AFF2: variants seen among roughly 807,000 people sequenced by gnomAD.
The protein encoded by AFF2 is AF4/FMR2 family member 2.
A neutral mutation model predicts 76.9 loss-of-function variants in AFF2; 14 were observed. The ratio of observed to expected loss-of-function variants is 0.18; its 90% CI spans 0.12 to 0.28. The LOEUF (loss-of-function observed/expected upper bound fraction) is 0.28. Ranked by LOEUF, AFF2 falls within the 10% of genes least tolerant of loss-of-function variation. The pLI, the probability that AFF2 is intolerant of heterozygous loss-of-function variation, is 1.00. For synonymous variants in AFF2, 398 were observed against 366.7 expected (o/e 1.09, Z -0.98); for missense variants, 868 against 1,001.1 (o/e 0.87, Z 1.79).
At chrX:148,957,863 A>C (rs781883604) in intron 11 of AFF2, among the ~76,000 whole-genome samples, 3 of 112,324 alleles carry the variant, frequency 2.7e-5, no homozygotes, top group African/African-American at 9.7e-5. Flanking sequence ...AAAAGTCCAA[A>C]GGTGTGCTTT....
At chrX:148,525,815 A>T (rs1485960433) in intron 1 of AFF2, among the ~76,000 whole-genome samples, 1 of 111,965 alleles carries the variant, frequency 8.9e-6, no homozygotes, top group Non-Finnish European at 1.9e-5. Context: ...GATTTCATGT[A>T]TATATAATGT....
chrX:148,648,143 A>G lies in AFF2; in HGVS notation c.48-3856A>G, dbSNP rs1302539431. 2.7e-5 allele frequency among the ~76,000 whole-genome samples: 3 copies of G among 112,099 alleles called. No homozygotes were observed. The Admixed American group carries it at 2.8e-4, about 11-fold the overall frequency. On this transcript the variant is annotated intron_variant, in intron 1 of 20. Transcript: ENST00000370460. Reference sequence around the variant, plus strand: ...ATCTTCCTTTGCCACTAGCTTGATGACGGCTTGAGACAGCTCCCTCTGTTC... The same window carrying G: ...ATCTTCCTTTGCCACTAGCTTGATGGCGGCTTGAGACAGCTCCCTCTGTTC...
intron 11 of AFF2, among the ~76,000 whole-genome samples, chrX:148,957,922 A>G (rs1450569340): frequency 8.9e-6 from 1 of 112,623 alleles, no homozygotes; most frequent in African/African-American, 3.2e-5. Flanking sequence ...AGCAACCTTT[A>G]TATGTCAGCC....
intron 3 of AFF2, among the ~76,000 whole-genome samples, chrX:148,675,910 C>T (rs1398527054): frequency 1.8e-5 from 2 of 110,682 alleles, no homozygotes; most frequent in Non-Finnish European, 3.8e-5. Flanking sequence ...CCTGAACCCA[C>T]AATCCACATA....
intron 3 of AFF2, among the ~76,000 whole-genome samples, chrX:148,703,273 C>T (rs2054825744): frequency 1.8e-5 from 2 of 111,559 alleles, no homozygotes; most frequent in African/African-American, 6.5e-5. Flanking sequence ...TATTACAGGG[C>T]CCGGAAGACA....
chrX:148,559,155 G>C (rs1391005781), intron 1 of AFF2, among the ~76,000 whole-genome samples: 1 of 111,345 alleles, frequency 9.0e-6, no homozygotes, highest in African/African-American at 3.3e-5. Flanking sequence ...GCTTGGGGAA[G>C]GGCCATTACT....
chrX:148,812,629 T>G (rs1557271889), intron 4 of AFF2, among the ~76,000 whole-genome samples: 1 of 111,058 alleles, frequency 9.0e-6, no homozygotes, highest in African/African-American at 3.3e-5. Flanking sequence ...CTGATCCCCC[T>G]TTTTTCCCTC....
chrX:148,627,947 A>T (rs1286962753), intron 1 of AFF2, among the ~76,000 whole-genome samples: 7 of 111,573 alleles, frequency 6.3e-5, no homozygotes, highest in African/African-American at 2.3e-4. Flanking sequence ...AGCACCCTTC[A>T]AAGCTCTGAG....
intron 1 of AFF2, among the ~76,000 whole-genome samples, chrX:148,528,676 T>C (rs1216921688): frequency 2.7e-5 from 3 of 111,744 alleles, no homozygotes; most frequent in African/African-American, 9.8e-5. Context: ...TTCATTTCAG[T>C]TCATTAATTT....
chrX:148,916,252 CAGGTTGG>C (rs1440115748), intron 9 of AFF2, among the ~76,000 whole-genome samples: 1 of 78,287 alleles, frequency 1.3e-5, no homozygotes, highest in African/African-American at 5.2e-5. Context: ...CTTTGTCGCC[CAGGTTGG>C]AGTGCAGTGG....
chrX:148,792,257 A>G (rs1407026549), intron 3 of AFF2, among the ~76,000 whole-genome samples: 2 of 112,069 alleles, frequency 1.8e-5, no homozygotes, highest in African/African-American at 6.5e-5. Flanking sequence ...GTACACCTAA[A>G]TGCTCAAAAA....
chrX:148,517,706 AG>A (rs1295883628), intron 1 of AFF2, among the ~76,000 whole-genome samples: 2 of 111,890 alleles, frequency 1.8e-5, no homozygotes, highest in African/African-American at 6.5e-5. Flanking sequence ...TTTTTGCCAA[AG>A]GGACTCTAAA....
chrX:148,905,158 G>A (rs782020375), intron 9 of AFF2, among the ~76,000 whole-genome samples: 13 of 112,238 alleles, frequency 1.2e-4, no homozygotes, highest in Non-Finnish European at 2.3e-4. Flanking sequence ...AAATGTTTTT[G>A]TTTTGTATAA....
At chrX:148,757,028 T>G (rs1353077202) in intron 3 of AFF2, among the ~76,000 whole-genome samples, 3 of 112,299 alleles carry the variant, frequency 2.7e-5, no homozygotes, top group African/African-American at 9.7e-5. Flanking sequence ...CATATTCAAT[T>G]TAAATTCATT....
chrX:148,826,009 C>T (rs1420851056), intron 4 of AFF2, among the ~76,000 whole-genome samples: 1 of 109,937 alleles, frequency 9.1e-6, no homozygotes, highest in East Asian at 2.9e-4. Flanking sequence ...ACTTCAAGAC[C>T]AATGTTTCAT....
intron 1 of AFF2, among the ~76,000 whole-genome samples, chrX:148,632,430 C>T (rs1389874843): frequency 9.0e-6 from 1 of 111,323 alleles, no homozygotes; most frequent in African/African-American, 3.3e-5. Context: ...TCATTACACC[C>T]GGAGAATTGG....
intron 1 of AFF2, among the ~76,000 whole-genome samples, chrX:148,559,089 T>C (rs191455597): frequency 1.8e-5 from 2 of 111,414 alleles, no homozygotes; most frequent in Non-Finnish European, 3.8e-5. Context: ...CCTGTTCTAG[T>C]TGACTAGTTG....
intron 9 of AFF2, among the ~76,000 whole-genome samples, chrX:148,943,322 C>T (rs1557285811): frequency 8.9e-6 from 1 of 112,517 alleles, no homozygotes; most frequent in Non-Finnish European, 1.9e-5. Flanking sequence ...CAAGGTTTTC[C>T]TAGCACACAG....
chrX:148,598,045 G>A (rs1320341239), intron 1 of AFF2, among the ~76,000 whole-genome samples: 15 of 111,927 alleles, frequency 1.3e-4, no homozygotes, highest in Non-Finnish European at 2.1e-4. Flanking sequence ...TGAAGAGTAC[G>A]TACATCTGGT....
Sources: allele counts gnomAD v4.1 joint callset (sites outside exome capture counted in the v4.1 genomes callset), GRCh38; gene constraint gnomAD v4.1.1; transcripts MANE v1.5; gene names NCBI Gene and HGNC (gene_info 2026-07-23, HGNC 2026-07-21).